Variants in OTOP1 observed in about 807,000 individuals in gnomAD.
OTOP1 encodes proton channel OTOP1.
A neutral mutation model predicts 52.9 loss-of-function variants in OTOP1; 59 were observed. That is an observed-to-expected ratio of 1.12 (90% CI 0.91 to 1.39). OTOP1 has a LOEUF of 1.39. Ranked by LOEUF, OTOP1 falls within the 40% of genes most tolerant of loss-of-function variation. The pLI, the probability that OTOP1 is intolerant of heterozygous loss-of-function variation, is 0.00. For missense variants in OTOP1, 761 were observed against 800.9 expected (o/e 0.95, Z 0.60); for synonymous variants, 317 against 337.7 (o/e 0.94, Z 0.67).
At chr4:4,210,027 C>G (rs1716990181) in intron 2 of OTOP1, among the ~76,000 whole-genome samples, 1 of 152,198 alleles carries the variant, frequency 6.6e-6, no homozygotes, top group South Asian at 2.1e-4. Context: ...TTTGTGCTGC[C>G]TCATTGCTCT....
In OTOP1 at chr4:4,225,579, A is replaced by AAAAAAG. The variant is rs1295449317; in HGVS notation, c.403+882_403+883insCTTTTT. Among the ~76,000 whole-genome samples, 26 of 151,830 alleles carry AAAAAAG rather than the reference A, an allele frequency of 1.7e-4. No homozygotes were observed. In the East Asian group the frequency reaches 4.4e-3, roughly 26 times the overall value. On this transcript the variant is annotated intron_variant, in intron 1 of 5. Coordinates refer to ENST00000296358, the MANE Select transcript of OTOP1 (RefSeq NM_177998.3). Reference sequence around the variant, plus strand: ...GCAACATTGTCTCAAAAAAAAAAAAAAAAATGTGGCAGCCCCTTGAGGAAG... The same window carrying AAAAAAG: ...GCAACATTGTCTCAAAAAAAAAAAAAAAAAAGAAAATGTGGCAGCCCCTTGAGGAAG...
At chr4:4,208,368 C>T (rs984224519) in intron 2 of OTOP1, among the ~76,000 whole-genome samples, 1 of 152,112 alleles carries the variant, frequency 6.6e-6, no homozygotes, top group African/African-American at 2.4e-5. Flanking sequence ...TTCCCTTTGG[C>T]TTAGTGATTT....
intron 5 of OTOP1, among the ~76,000 whole-genome samples, chr4:4,192,755 C>T (rs1177731557): frequency 6.6e-6 from 1 of 152,122 alleles, no homozygotes; most frequent in East Asian, 1.9e-4. Context: ...CCTGGAGACC[C>T]TGGAGGGTGT....
chr4:4,220,080 CAT>C (rs757774792), intron 1 of OTOP1, among the ~76,000 whole-genome samples: 14,067 of 38,324 alleles, frequency 0.37, 1,347 homozygotes, highest in Non-Finnish European at 0.46. Context: ...TATATGTATA[CAT>C]ATATATATAT....
At chr4:4,217,584 G>GTT (rs1405846073) in intron 1 of OTOP1, among the ~76,000 whole-genome samples, 35 of 152,238 alleles carry the variant, frequency 2.3e-4, no homozygotes, top group African/African-American at 8.4e-4. Flanking sequence ...ATAAAATAGA[G>GTT]TATCTGCCCT....
intron 2 of OTOP1, among the ~76,000 whole-genome samples, chr4:4,206,894 T>G (rs1336618382): frequency 6.6e-6 from 1 of 152,228 alleles, no homozygotes; most frequent in Non-Finnish European, 1.5e-5. Flanking sequence ...ACTCACTAAT[T>G]TACTGAAATT....
At chr4:4,203,596 G>T (rs1264376534) in intron 3 of OTOP1, among the ~76,000 whole-genome samples, 1 of 152,178 alleles carries the variant, frequency 6.6e-6, no homozygotes, top group African/African-American at 2.4e-5. Context: ...AGATCCATGG[G>T]GAATGCGGTC....
At chr4:4,225,004 G>A (rs1225589111) in intron 1 of OTOP1, among the ~76,000 whole-genome samples, 3 of 152,368 alleles carry the variant, frequency 2.0e-5, no homozygotes, top group South Asian at 4.1e-4. Flanking sequence ...CCATTCTACA[G>A]ATGCTGAAAC....
intron 5 of OTOP1, among the ~76,000 whole-genome samples, chr4:4,192,008 T>C: frequency 6.6e-6 from 1 of 152,238 alleles, no homozygotes. Context: ...TGCTGTTCAG[T>C]TGGCTATAAA....
intron 5 of OTOP1, among the ~76,000 whole-genome samples, chr4:4,196,152 T>C (rs1716617893): frequency 5.9e-5 from 9 of 152,198 alleles, no homozygotes; most frequent in Admixed American, 5.9e-4. Context: ...GGTACAGTGG[T>C]TCACATCTGT....
chr4:4,224,822 C>A (rs545192041), intron 1 of OTOP1, among the ~76,000 whole-genome samples: 2 of 149,276 alleles, frequency 1.3e-5, no homozygotes, highest in African/African-American at 5.0e-5. Flanking sequence ...ACCAAAAGAG[C>A]TTTACAGAAA....
At chr4:4,220,092 TATA>T (rs1717264093) in intron 1 of OTOP1, among the ~76,000 whole-genome samples, 2 of 101,668 alleles carry the variant, frequency 2.0e-5, no homozygotes, top group African/African-American at 9.2e-5. Context: ...TATATATATA[TATA>T]TATATATATA....
In OTOP1 at chr4:4,210,169, C is replaced by T. The variant is rs56268723; in HGVS notation, c.540+2699G>A. Among the ~76,000 whole-genome samples the T allele has an allele frequency of 9.2e-3, 1,406 of 152,272 alleles. 27 individuals carry two copies. Among genetic ancestry groups the T allele is most frequent in the African/African-American group, 0.032 (1,333 of 41,538 alleles). ...TATTCCCCATGCTGAGAACAATATT[C>T]GTCCAGTATTTAAAGATGAACTGCA... is the stretch of plus-strand genomic sequence containing the variant. On this transcript the variant is annotated intron_variant, in intron 2 of 5. Coordinates refer to ENST00000296358, the MANE Select transcript of OTOP1 (RefSeq NM_177998.3).
intron 5 of OTOP1, among the ~76,000 whole-genome samples, 194 bp downstream of exon 5, chr4:4,196,972 C>A (rs1395545406): frequency 6.6e-6 from 1 of 152,034 alleles, no homozygotes; most frequent in Admixed American, 6.6e-5. Flanking sequence ...GGGGGAGAGG[C>A]CGGAAGCGGG....
intron 5 of OTOP1, among the ~76,000 whole-genome samples, chr4:4,189,472 C>T (rs113621459): frequency 1.4e-4 from 22 of 152,184 alleles, no homozygotes; most frequent in Admixed American, 7.9e-4. Context: ...CTCCCGCTTC[C>T]GGCTGTAGCC....
intron 5 of OTOP1, 152 bp from the exon 6 acceptor site, chr4:4,189,125 C>A: frequency 1.5e-6 from 1 of 667,942 alleles, no homozygotes; most frequent in Non-Finnish European, 2.5e-6. Flanking sequence ...CATGGCATTT[C>A]CCATCTCCAC....
Position 4,226,779 on chromosome 4 carries a change from G to A in OTOP1, c.86C>T (p.Ser29Leu), listed in dbSNP as rs1471114177. The A allele has an allele frequency of 5.8e-6, 8 of 1,375,598 alleles. No homozygotes were observed. The highest frequency in any genetic ancestry group is 7.5e-6 in the Non-Finnish European group (8 of 1,068,140). 85.2% of individuals were successfully genotyped at this position (1,375,598 alleles called of 1,614,324 possible). A position where few individuals can be genotyped will look rare whatever the true frequency, so the allele number is the denominator to read the frequency against. ...CCTCGGGGCCGAGGACGAGGGAGGC[G>A]AGCAGGCCGCTGGCCCCGACGACCC... ...VAGSSGPAAC[S>L]PPSSSAPRSP... Residue 29 changes from serine (S) to leucine (L), a missense_variant, in exon 1 of 6, where the codon TCG becomes TTG. Ser to Leu is a moderately radical substitution (Grantham distance 145). This residue lies in a region of OTOP1 where 73 missense variants were observed against 75.7 expected (regional missense o/e 0.96). Transcript: ENST00000296358.
chr4:4,209,847 CA>C (rs1716987078), intron 2 of OTOP1, among the ~76,000 whole-genome samples: 1 of 152,180 alleles, frequency 6.6e-6, no homozygotes, highest in African/African-American at 2.4e-5. Flanking sequence ...TGTGCCCACA[CA>C]TCGCCCCCCT....
Position 4,197,529 on chromosome 4 carries a change from C to G in OTOP1, c.1305G>C (p.Glu435Asp). ...AGATGAAGAGGTTCTGGATGTACTT[C>G]TCCACGATCGCCAGGATGGAGTAGG... Reference protein sequence around the residue: ...NLPYSILAIVEKYIQNLFIFE... With the variant: ...NLPYSILAIVDKYIQNLFIFE... Residue 435 changes from glutamate (E) to aspartate (D), a missense_variant, in exon 5 of 6, where the codon GAG (glutamate) becomes GAC (aspartate). Physicochemically the swap from Glu to Asp is conservative, Grantham distance 45. This residue lies in a region of OTOP1 where 632 missense variants were observed against 619.5 expected (regional missense o/e 1.02). Coordinates refer to ENST00000296358, the MANE Select transcript of OTOP1 (RefSeq NM_177998.3). 6.2e-7 allele frequency: 1 copy of G among 1,614,070 alleles called. No homozygotes were observed. The highest frequency in any genetic ancestry group is 8.5e-7 in the Non-Finnish European group (1 of 1,180,008).
Sources: allele counts gnomAD v4.1 joint callset (sites outside exome capture counted in the v4.1 genomes callset), GRCh38; gene constraint gnomAD v4.1.1; regional missense constraint gnomAD v4.1.1; transcripts MANE v1.5; gene names NCBI Gene and HGNC (gene_info 2026-07-23, HGNC 2026-07-21).